SMIM10L3: variants seen among roughly 807,000 people sequenced by gnomAD.
SMIM10L3 encodes the protein salivary gland specific protein SAGSIN1.
chr7:6,345,817 G>A, the SMIM10L3 span, among the ~76,000 whole-genome samples: 1 of 152,032 alleles, frequency 6.6e-6, no homozygotes, highest in African/African-American at 2.4e-5. Flanking sequence ...TTCCCAGGCT[G>A]GAGTGCAGTA....
the SMIM10L3 span, among the ~76,000 whole-genome samples, chr7:6,332,905 A>T: frequency 6.6e-6 from 1 of 152,188 alleles, no homozygotes; most frequent in Admixed American, 6.6e-5. Context: ...TCATGCCTGT[A>T]ATCCCAGCAC....
At chr7:6,345,402 A>C in the SMIM10L3 span, among the ~76,000 whole-genome samples, 1 of 152,166 alleles carries the variant, frequency 6.6e-6, no homozygotes, top group Non-Finnish European at 1.5e-5. Flanking sequence ...GGCATGAGCC[A>C]CCACACCCAG....
At chr7:6,338,880 A>G in the SMIM10L3 span, among the ~76,000 whole-genome samples, 2 of 152,218 alleles carry the variant, frequency 1.3e-5, no homozygotes, top group Admixed American at 1.3e-4. Flanking sequence ...AGCTAAAACC[A>G]GCAGGGCCGC....
chr7:6,333,827 G>A, the SMIM10L3 span, among the ~76,000 whole-genome samples: 39 of 141,220 alleles, frequency 2.8e-4, no homozygotes, highest in Non-Finnish European at 4.3e-4. Context: ...GAATGGTCTC[G>A]AACTCCTGGC....
At chr7:6,342,111 T>G in the SMIM10L3 span, 1 of 152,188 alleles carries the variant, frequency 6.6e-6, no homozygotes, top group Admixed American at 6.6e-5. Flanking sequence ...AGGTGCCAGG[T>G]GCTGTTCTAG....
At chr7:6,339,865 G>T in the SMIM10L3 span, among the ~76,000 whole-genome samples, 1 of 151,062 alleles carries the variant, frequency 6.6e-6, no homozygotes, top group African/African-American at 2.4e-5. Flanking sequence ...GCAGAGGCCG[G>T]GTGCCAGCTC....
chr7:6,329,560 G>A, the SMIM10L3 span: 1 of 154,160 alleles, frequency 6.5e-6, no homozygotes, highest in Admixed American at 6.6e-5. Context: ...TTTCACTTTG[G>A]GAGTCTTTAA....
the SMIM10L3 span, chr7:6,348,882 G>C: frequency 7.7e-6 from 3 of 387,310 alleles, no homozygotes; most frequent in South Asian, 1.4e-4. Flanking sequence ...GCGGGCGGGC[G>C]GGCCGCAGTG....
At chr7:6,335,800 A>G in the SMIM10L3 span, among the ~76,000 whole-genome samples, 3 of 151,432 alleles carry the variant, frequency 2.0e-5, no homozygotes, top group Non-Finnish European at 4.4e-5. Context: ...TTTGGGAGGC[A>G]CAGACAGAAG....
At chr7:6,342,508 C>G in the SMIM10L3 span, among the ~76,000 whole-genome samples, 2 of 152,004 alleles carry the variant, frequency 1.3e-5, no homozygotes, top group African/African-American at 4.8e-5. Flanking sequence ...CATTGCACTG[C>G]AGCCTGGGTG....
chr7:6,330,610 T>C, the SMIM10L3 span: 3 of 1,614,158 alleles, frequency 1.9e-6, no homozygotes, highest in South Asian at 1.1e-5. Flanking sequence ...GGGTTCCAAC[T>C]CAGAGCCCAG....
chr7:6,329,517 T>C, the SMIM10L3 span: 1 of 153,012 alleles, frequency 6.5e-6, no homozygotes, highest in South Asian at 2.1e-4. Flanking sequence ...CATAAACTGA[T>C]ATATGCAATC....
the SMIM10L3 span, chr7:6,348,871 G>A: frequency 2.6e-6 from 1 of 384,876 alleles, no homozygotes; most frequent in Non-Finnish European, 4.6e-6. Flanking sequence ...CGGCTAGACC[G>A]GCGGGCGGGC....
At chr7:6,348,457 C>T in the SMIM10L3 span, 2 of 397,442 alleles carry the variant, frequency 5.0e-6, no homozygotes, top group Non-Finnish European at 8.9e-6. Context: ...GGAAAATGCA[C>T]GGTGCTTGAC....
chr7:6,345,375 A>T, the SMIM10L3 span, among the ~76,000 whole-genome samples: 1 of 151,974 alleles, frequency 6.6e-6, no homozygotes, highest in Non-Finnish European at 1.5e-5. Flanking sequence ...TCAGTCTCCC[A>T]AAGTGCTGGG....
chr7:6,348,648 G>A, the SMIM10L3 span: 1 of 510,658 alleles, frequency 2.0e-6, no homozygotes, highest in Non-Finnish European at 3.6e-6. Context: ...GCCAGGCCAG[G>A]TCGAAGAAGA....
At chr7:6,347,960 G>C in the SMIM10L3 span, among the ~76,000 whole-genome samples, 6 of 149,544 alleles carry the variant, frequency 4.0e-5, no homozygotes, top group Non-Finnish European at 8.9e-5. Context: ...GCCCAGGCTG[G>C]AGCGCAATGG....
the SMIM10L3 span, among the ~76,000 whole-genome samples, chr7:6,335,846 G>C: frequency 6.6e-6 from 1 of 151,302 alleles, no homozygotes; most frequent in Non-Finnish European, 1.5e-5. Context: ...ACCAGCCTGG[G>C]CAACACAGCA....
chr7:6,341,948 A>G, the SMIM10L3 span: 1 of 151,932 alleles, frequency 6.6e-6, no homozygotes, highest in African/African-American at 2.4e-5. Flanking sequence ...CAGTGAGCCA[A>G]GATCATACCA....
Sources: allele counts gnomAD v4.1 joint callset (sites outside exome capture counted in the v4.1 genomes callset), GRCh38; gene constraint gnomAD v4.1.1; transcripts MANE v1.5; gene names NCBI Gene and HGNC (gene_info 2026-07-23, HGNC 2026-07-21).